The following AMTN variants were observed in gnomAD, a reference collection of about 807,000 sequenced individuals.
The protein encoded by AMTN is amelotin.
In AMTN, 29 loss-of-function variants were observed where a neutral mutation model predicts 27.4. That is an observed-to-expected ratio of 1.06 (90% CI 0.79 to 1.44). AMTN has a LOEUF of 1.44. Among genes scored for constraint, AMTN ranks in the 40% most tolerant of loss-of-function variants. The pLI is 0.00. For synonymous variants in AMTN, 86 were observed against 95.7 expected, an observed-to-expected ratio of 0.90 and a Z score of 0.59; for missense variants, 247 against 248.8, an observed-to-expected ratio of 0.99 and a Z score of 0.05.
At chr4:70,523,221 G>A (rs1460512194) in intron 3 of AMTN, among the ~76,000 whole-genome samples, 1 of 152,204 alleles carries the variant, frequency 6.6e-6, no homozygotes, top group East Asian at 1.9e-4. Flanking sequence ...GGGAATCAGA[G>A]ATGATCTATA....
At chr4:70,518,951 T>C in intron 2 of AMTN, 120 bp downstream of exon 2, 1 of 792,230 alleles carries the variant, frequency 1.3e-6, no homozygotes, top group Non-Finnish European at 2.2e-6. Flanking sequence ...TCCCTGAGAG[T>C]GTCCAGTGTT....
chr4:70,531,211 G>T lies in AMTN; in HGVS notation c.530G>T (p.Gly177Val), dbSNP rs61755875. Residue 177 changes from glycine to valine, a missense_variant, in exon 8 of 9, where the codon GGC becomes GTC. Physicochemically the swap from Gly to Val is moderately radical, Grantham distance 109. Transcript: ENST00000339336. Reference protein sequence around the residue: ...TPAGRLPTPSGTDDDFAVTTP... With the variant: ...TPAGRLPTPSVTDDDFAVTTP... ...GCAGGCCGCCTCCCAACTCCCAGTGGCACAGATGACGACTTTGCAGTGACC... is the reference window on the plus strand; with the variant it reads ...GCAGGCCGCCTCCCAACTCCCAGTGTCACAGATGACGACTTTGCAGTGACC... The T allele has an allele frequency of 2.8e-3, 4,512 of 1,614,026 alleles. 119 individuals carry two copies. In the African/African-American group the frequency reaches 0.054, roughly 19 times the overall value.
At chr4:70,527,753 C>T (rs902284961) in intron 5 of AMTN, among the ~76,000 whole-genome samples, 1 of 152,080 alleles carries the variant, frequency 6.6e-6, no homozygotes, top group African/African-American at 2.4e-5. Context: ...TTTTTAAAAC[C>T]TTAGCTTTCT....
chr4:70,521,662 TTTTTTTTTTTTTTTG>T (rs1735972871), intron 2 of AMTN, among the ~76,000 whole-genome samples: 2 of 82,700 alleles, frequency 2.4e-5, no homozygotes, highest in African/African-American at 7.5e-5. Flanking sequence ...TTTTTTTTTT[TTTTTTTTTTTTTTTG>T]TGAGACAGAG....
chr4:70,520,058 C>T (rs889607213), intron 2 of AMTN, among the ~76,000 whole-genome samples: 3 of 109,728 alleles, frequency 2.7e-5, no homozygotes, highest in Non-Finnish European at 5.8e-5. Context: ...ATACATTGAC[C>T]GAAAGATTCT....
At chr4:70,530,925 T>C in intron 7 of AMTN, 114 bp from the exon 8 acceptor site, 2 of 1,412,442 alleles carry the variant, frequency 1.4e-6, no homozygotes, top group South Asian at 2.9e-5. Flanking sequence ...TTTGCTGTCT[T>C]CTCTGACTTT....
At position 70,522,764 on chromosome 4, in the gene AMTN, C is replaced by T; in HGVS notation, c.64C>T (p.Pro22Ser). ...TTTGTTTTCACAAAAGCAGCTCAAA[C>T]CTGCTTTGGGACTCCCTCCCACAAA... is the stretch of plus-strand genomic sequence containing the variant. ...GSTRSLPQLK[P>S]ALGLPPTKLA... The change falls in exon 3 of 9, where the codon CCT (proline) becomes TCT (serine). Residue 22 changes from proline (P) to serine (S), a missense_variant. Coordinates refer to ENST00000339336, the MANE Select transcript of AMTN (RefSeq NM_212557.4). 1 of 1,614,018 alleles carries T rather than the reference C, an allele frequency of 6.2e-7. No individual in the cohort carries two copies.
intron 8 of AMTN, 86 bp downstream of exon 8, chr4:70,531,386 C>G: frequency 6.5e-7 from 1 of 1,533,316 alleles, no homozygotes; most frequent in South Asian, 1.2e-5. Context: ...CTTGCCTTGA[C>G]AAATGCAGAT....
chr4:70,526,458 T>C (rs1250533050), intron 5 of AMTN, among the ~76,000 whole-genome samples: 1 of 152,184 alleles, frequency 6.6e-6, no homozygotes, highest in African/African-American at 2.4e-5. Context: ...ACTAAGTCTA[T>C]GATATTCCAA....
rs565701831 is a variant in AMTN, at chr4:70,528,376, C to T, written c.295-347C>T. ...TTTTAAGAAGATATCAATGGCCGGG[C>T]GAGGTGGCTCATGCCTGTAATCCAA... is the stretch of plus-strand genomic sequence containing the variant. On this transcript the variant is annotated intron_variant, in intron 5 of 8. Coordinates refer to ENST00000339336, the MANE Select transcript of AMTN (RefSeq NM_212557.4). 9.9e-5 allele frequency among the ~76,000 whole-genome samples: 15 copies of T among 152,160 alleles called. No individual in the cohort carries two copies. In the East Asian group the frequency reaches 1.5e-3, roughly 16 times the overall value.
At chr4:70,519,730 A>C (rs57896569) in intron 2 of AMTN, among the ~76,000 whole-genome samples, 4,987 of 151,512 alleles carry the variant, frequency 0.033, 243 homozygotes, top group African/African-American at 0.1. Context: ...TATTTTTACC[A>C]ATGTCACTTG....
chr4:70,524,916 A>G lies in AMTN; in HGVS notation c.249A>G (p.Pro83=). The G allele has an allele frequency of 5.0e-6, 8 of 1,614,032 alleles. No individual in the cohort carries two copies. The highest frequency in any genetic ancestry group is 6.8e-6 in the Non-Finnish European group (8 of 1,179,932). ...AGMTPGTQTH[P]LTLGGLNVQQ... ...TGACACCTGGTACCCAGACCCACCC[A>G]TTGACCCTGGGAGGGTTGAATGTAC... is the stretch of plus-strand genomic sequence containing the variant. Residue 83 remains proline, a synonymous_variant, in exon 5 of 9, where the codon CCA becomes CCG. Transcript: ENST00000339336.
rs552918700 is a variant in AMTN at position 70,528,752 on chromosome 4, A to G, written c.324A>G (p.Gly108=). The G allele has an allele frequency of 1.9e-6, 3 of 1,595,836 alleles. No individual in the cohort carries two copies. Among genetic ancestry groups the G allele is most frequent in the Admixed American group, 1.8e-5 (1 of 55,486 alleles). The part of the protein sequence containing the change: ...HVLPIFVTQL[G]AQGTILSSEE... The stretch of plus-strand genomic sequence containing the variant: ...TACCAATTTTTGTCACACAACTTGG[A>G]GCCCAGGTAAAAATTATGCTTAATA... The change falls in exon 6 of 9, where the codon GGA becomes GGG. Residue 108 remains glycine, a synonymous_variant. Transcript: ENST00000339336.
chr4:70,528,095 A>G (rs979580123), intron 5 of AMTN, among the ~76,000 whole-genome samples: 2 of 152,148 alleles, frequency 1.3e-5, no homozygotes, highest in African/African-American at 4.8e-5. Flanking sequence ...AAATCTGTAC[A>G]TTTTAACATT....
chr4:70,519,106 G>C (rs538577976), intron 2 of AMTN, among the ~76,000 whole-genome samples: 38 of 152,304 alleles, frequency 2.5e-4, no homozygotes, highest in Non-Finnish European at 4.3e-4. Flanking sequence ...GGAGAAAAAT[G>C]AATGTGTTAA....
intron 5 of AMTN, among the ~76,000 whole-genome samples, chr4:70,526,346 T>G: frequency 6.6e-6 from 1 of 152,330 alleles, no homozygotes; most frequent in South Asian, 2.1e-4. Flanking sequence ...TTTTAATGAC[T>G]GCTTAGTAGT....
intron 7 of AMTN, 69 bp downstream of exon 7, chr4:70,529,279 G>T: frequency 8.2e-7 from 1 of 1,222,374 alleles, no homozygotes; most frequent in Non-Finnish European, 1.1e-6. Context: ...TCCTCATATA[G>T]TCTCTTTTGA....
At chr4:70,527,367 A>G (rs1736122060) in intron 5 of AMTN, among the ~76,000 whole-genome samples, 3 of 152,202 alleles carry the variant, frequency 2.0e-5, no homozygotes, top group East Asian at 1.9e-4. Context: ...TCCTCTTTTT[A>G]TCTTTTTGTT....
intron 4 of AMTN, among the ~76,000 whole-genome samples, chr4:70,524,658 GAA>G (rs74343743): frequency 0.35 from 53,584 of 151,930 alleles, 10,712 homozygotes; most frequent in Admixed American, 0.46. Flanking sequence ...CTTAACAGGG[GAA>G]AAGTTAGCAA....
Sources: allele counts gnomAD v4.1 joint callset (sites outside exome capture counted in the v4.1 genomes callset), GRCh38; gene constraint gnomAD v4.1.1; transcripts MANE v1.5; gene names NCBI Gene and HGNC (gene_info 2026-07-23, HGNC 2026-07-21).